Variants in NXPH1 observed in about 807,000 individuals in gnomAD.
NXPH1 encodes the protein neurexophilin-1.
Under a neutral mutation model 23.7 loss-of-function variants are expected in NXPH1, and 5 were observed. The ratio of observed to expected loss-of-function variants is 0.21; its 90% confidence interval spans 0.11 to 0.44. The LOEUF (loss-of-function observed/expected upper bound fraction) is 0.44. Among genes scored for constraint, NXPH1 ranks in the 20% least tolerant of loss-of-function variants. The probability of loss-of-function intolerance (pLI) is 0.99; values close to 1 mark genes in which losing one functional copy is unlikely to be tolerated. For missense variants in NXPH1, 324 were observed against 321.6 expected (o/e 1.01, Z -0.06); for synonymous variants, 144 against 122.2 (o/e 1.18, Z -1.18).
At position 8,562,214 on chromosome 7, in the gene NXPH1, G is replaced by A. The variant is rs28506004; in HGVS notation, c.54+126447G>A. Among the ~76,000 whole-genome samples, 1,310 of 151,752 alleles carry A rather than the reference G, an allele frequency of 8.6e-3. 15 individuals are homozygous for A. The highest frequency in any genetic ancestry group is 0.03 in the African/African-American group (1,261 of 41,462). ...TTACATTTTTAACCATTATACGTCA[G>A]CTTCCTCCCAAGAGATTGAAGAGGC... On this transcript the variant is annotated intron_variant, in intron 2 of 2. Transcript: ENST00000405863.
rs73675910 is a variant in NXPH1 at position 8,603,984 on chromosome 7, C to T, written c.55-147024C>T. ...TACACATTCTTTAAAATGAGCACCCCAAATCATTGTTCTTTCTTGGGACAA... is the reference window on the plus strand; with the variant it reads ...TACACATTCTTTAAAATGAGCACCCTAAATCATTGTTCTTTCTTGGGACAA... On this transcript the variant is annotated intron_variant, in intron 2 of 2. Transcript: ENST00000405863. Among the ~76,000 whole-genome samples, 742 of 152,052 alleles carry T rather than the reference C, an allele frequency of 4.9e-3. 7 individuals are homozygous for T. The highest frequency in any genetic ancestry group is 0.031 in the Middle Eastern group (9 of 294).
chr7:8,711,769 A>G (rs886624504), intron 2 of NXPH1, among the ~76,000 whole-genome samples: 1 of 152,256 alleles, frequency 6.6e-6, no homozygotes, highest in Non-Finnish European at 1.5e-5. Context: ...AAACAGGGTC[A>G]TGTAAATGGA....
rs10248114 is a variant in NXPH1, at chr7:8,608,789, T to A, written c.55-142219T>A. ...TTTTTCGTGTGATATGAATGACAAA[T>A]GATTATAAGGAATTTTAATAATTTA... On this transcript the variant is annotated intron_variant, in intron 2 of 2. Coordinates refer to ENST00000405863, the MANE Select transcript of NXPH1 (RefSeq NM_152745.3). Among the ~76,000 whole-genome samples, 1,362 of 152,166 alleles carry A rather than the reference T, an allele frequency of 9.0e-3. 20 individuals carry two copies. The highest frequency in any genetic ancestry group is 0.031 in the African/African-American group (1,297 of 41,518).
At chr7:8,653,572 A>T (rs1455304772) in intron 2 of NXPH1, among the ~76,000 whole-genome samples, 1 of 152,200 alleles carries the variant, frequency 6.6e-6, no homozygotes, top group Non-Finnish European at 1.5e-5. Context: ...TAAAGATGTT[A>T]TACTACCTTT....
chr7:8,735,003 C>G (rs538507022), intron 2 of NXPH1, among the ~76,000 whole-genome samples: 1 of 152,192 alleles, frequency 6.6e-6, no homozygotes, highest in Non-Finnish European at 1.5e-5. Context: ...TATCCTGATA[C>G]TTTGCTGAAG....
intron 2 of NXPH1, among the ~76,000 whole-genome samples, chr7:8,476,508 TTTCCCTCATATTC>T (rs1344287643): frequency 1.3e-5 from 2 of 152,054 alleles, no homozygotes; most frequent in Non-Finnish European, 1.5e-5. Flanking sequence ...TTGTTTTTCT[TTTCCCTCATATTC>T]ATATGAGGGA....
At chr7:8,641,531 C>A (rs1255298770) in intron 2 of NXPH1, among the ~76,000 whole-genome samples, 1 of 152,142 alleles carries the variant, frequency 6.6e-6, no homozygotes, top group African/African-American at 2.4e-5. Context: ...AATTCCCACC[C>A]CCAGAGACAA....
At chr7:8,626,909 CT>C (rs1432946412) in intron 2 of NXPH1, among the ~76,000 whole-genome samples, 1 of 152,100 alleles carries the variant, frequency 6.6e-6, no homozygotes, top group Non-Finnish European at 1.5e-5. Context: ...CAGACTCCCT[CT>C]TTACCAGGGT....
chr7:8,525,353 A>C (rs1817844667), intron 2 of NXPH1, among the ~76,000 whole-genome samples: 1 of 152,214 alleles, frequency 6.6e-6, no homozygotes, highest in Non-Finnish European at 1.5e-5. Flanking sequence ...AAAGGCATTC[A>C]GTTTTATAAA....
chr7:8,739,616 TC>T (rs745611773), intron 2 of NXPH1, among the ~76,000 whole-genome samples: 10 of 152,160 alleles, frequency 6.6e-5, no homozygotes, highest in Non-Finnish European at 1.2e-4. Flanking sequence ...TCACCTATTT[TC>T]CTCTTTTTTC....
At chr7:8,741,358 T>G (rs4346920) in intron 2 of NXPH1, among the ~76,000 whole-genome samples, 100,690 of 152,074 alleles carry the variant, frequency 0.66, 34,755 homozygotes, top group African/African-American at 0.86. Context: ...CTGCAATGAA[T>G]ATAAAATGCA....
At chr7:8,602,397 C>T (rs10282393) in intron 2 of NXPH1, among the ~76,000 whole-genome samples, 7,685 of 152,122 alleles carry the variant, frequency 0.051, 348 homozygotes, top group East Asian at 0.17. Flanking sequence ...GGTCTTTTGA[C>T]TGTTTCCCCT....
chr7:8,494,720 C>T (rs945277314), intron 2 of NXPH1, among the ~76,000 whole-genome samples: 13 of 152,162 alleles, frequency 8.5e-5, no homozygotes, highest in African/African-American at 3.1e-4. Flanking sequence ...TTATCCTGAA[C>T]TTAAGTCACT....
At chr7:8,502,457 A>C (rs1473448381) in intron 2 of NXPH1, among the ~76,000 whole-genome samples, 1 of 151,958 alleles carries the variant, frequency 6.6e-6, no homozygotes, top group Non-Finnish European at 1.5e-5. Context: ...CTTGCACTCA[A>C]GGAATAGGAT....
At chr7:8,611,448 A>G (rs1234339739) in intron 2 of NXPH1, among the ~76,000 whole-genome samples, 5 of 152,170 alleles carry the variant, frequency 3.3e-5, no homozygotes, top group African/African-American at 1.2e-4. Flanking sequence ...ATGAGCATAA[A>G]GTAAGAATAT....
intron 2 of NXPH1, among the ~76,000 whole-genome samples, chr7:8,502,272 A>C (rs1817449704): frequency 6.6e-6 from 1 of 152,080 alleles, no homozygotes; most frequent in Admixed American, 6.6e-5. Flanking sequence ...TTAATGGCAA[A>C]AACTAAAAGG....
chr7:8,517,932 A>T (rs4401754), intron 2 of NXPH1, among the ~76,000 whole-genome samples: 49,002 of 151,984 alleles, frequency 0.32, 8,111 homozygotes, highest in East Asian at 0.37. Context: ...ATTGAGTTTC[A>T]CATAAGCTTG....
intron 2 of NXPH1, among the ~76,000 whole-genome samples, chr7:8,467,275 AG>A (rs1042830642): frequency 6.6e-6 from 1 of 152,172 alleles, no homozygotes; most frequent in Non-Finnish European, 1.5e-5. Flanking sequence ...GATCTATGAA[AG>A]GGTATTAATA....
In NXPH1 at chr7:8,604,897, G is replaced by T. The variant is rs1819448504; in HGVS notation, c.55-146111G>T. On this transcript the variant is annotated intron_variant, in intron 2 of 2. Coordinates refer to ENST00000405863, the MANE Select transcript of NXPH1 (RefSeq NM_152745.3). ...ATCTATTTATTCATGTCATAGAGGG[G>T]ATACACTGAGTACTTCCAAATAATT... Among the ~76,000 whole-genome samples the T allele has an allele frequency of 2.0e-5, 3 of 152,174 alleles. No individual in the cohort carries two copies. The South Asian group carries it at 6.2e-4, about 32-fold the overall frequency.
Sources: allele counts gnomAD v4.1 joint callset (sites outside exome capture counted in the v4.1 genomes callset), GRCh38; gene constraint gnomAD v4.1.1; transcripts MANE v1.5; gene names NCBI Gene and HGNC (gene_info 2026-07-23, HGNC 2026-07-21).